The following RRBP1 variants were observed in gnomAD, a reference collection of about 807,000 sequenced individuals.
RRBP1 encodes the protein ribosome binding protein 1.
A neutral mutation model predicts 165.2 loss-of-function variants in RRBP1; 94 were observed. That is an observed-to-expected ratio of 0.57 (90% confidence interval 0.48 to 0.68). The LOEUF is 0.68. RRBP1 is among the 30% of genes least tolerant of loss of function. The pLI is 0.00. For synonymous variants in RRBP1, 680 were observed against 714.5 expected (o/e 0.95, Z 0.77); for missense variants, 1,676 against 1,763.0 (o/e 0.95, Z 0.88).
chr20:17,633,998 C>T (rs1005584964), intron 7 of RRBP1, among the ~76,000 whole-genome samples: 10 of 152,220 alleles, frequency 6.6e-5, no homozygotes, highest in South Asian at 6.2e-4. Context: ...GGAGTCCACG[C>T]GCCCCCTCAC....
intron 12 of RRBP1, 138 bp downstream of exon 12, chr20:17,625,374 C>G (rs952500416): frequency 1.4e-6 from 1 of 722,998 alleles, no homozygotes; most frequent in Non-Finnish European, 2.3e-6. Flanking sequence ...ACCCTGGACC[C>G]CCACAGCACA....
chr20:17,625,736 C>T (rs2036005456), intron 11 of RRBP1, 134 bp from the exon 12 acceptor site: 2 of 688,200 alleles, frequency 2.9e-6, no homozygotes, highest in Admixed American at 2.6e-5. Context: ...CTTCTGGCTG[C>T]CCCCACCTCA....
chr20:17,614,202 T>A lies in RRBP1; in HGVS notation c.4213A>T (p.Lys1405Ter), dbSNP rs750105371. ...LEKAEDGSSSKEGTSV is the reference protein window; with the variant it reads ...LEKAEDGSSS ...GAAACTCAGACAGAGGTGCCCTCCT[T>A]TGAGCTGCTGCCGTCCTCCTGTGAA... Residue 1405 changes from lysine (K) to a stop codon, truncating the protein, a stop_gained, in exon 25 of 25, where the codon AAG (lysine) becomes TAG (stop). Transcript: ENST00000377813. LOFTEE classifies it high-confidence loss of function. 3 of 1,613,742 alleles carry A rather than the reference T, an allele frequency of 1.9e-6. No homozygotes were observed. Among genetic ancestry groups the A allele is most frequent in the Middle Eastern group, 1.6e-4 (1 of 6,080 alleles).
chr20:17,629,986 C>T, intron 8 of RRBP1, 25 bp from the exon 9 acceptor site: 1 of 1,583,628 alleles, frequency 6.3e-7, no homozygotes, highest in Non-Finnish European at 8.6e-7. Flanking sequence ...GGGAGTGGGG[C>T]AGTGAAGACG....
chr20:17,662,044 C>T lies in RRBP1; in HGVS notation c.-21-1516G>A, dbSNP rs533173988. On this transcript the variant is annotated intron_variant, in intron 2 of 24. Coordinates refer to ENST00000377813, the MANE Select transcript of RRBP1 (RefSeq NM_001365613.2). Reference sequence around the variant, plus strand: ...TTGGGAGGCCAAGGCAGGCAGATCACGAGGTCAGGAGATCGAGACCATCCT... The same window carrying T: ...TTGGGAGGCCAAGGCAGGCAGATCATGAGGTCAGGAGATCGAGACCATCCT... Among the ~76,000 whole-genome samples, 57 of 152,212 alleles carry T rather than the reference C, an allele frequency of 3.7e-4. 1 individual carries two copies. The highest frequency in any genetic ancestry group is 1.2e-3 in the African/African-American group (49 of 41,538).
Position 17,636,646 on chromosome 20 carries a change from C to T in RRBP1, c.2268G>A (p.Thr756=), listed in dbSNP as rs531454797. The T allele has an allele frequency of 9.7e-5, 156 of 1,613,292 alleles. 1 individual carries two copies. In the South Asian group the frequency reaches 1.1e-3, roughly 11 times the overall value. The change falls in exon 6 of 25, where the codon ACG becomes ACA. Residue 756 remains threonine, a synonymous_variant. Coordinates refer to ENST00000377813, the MANE Select transcript of RRBP1 (RefSeq NM_001365613.2). ...KQLVAREQEI[T]AVQARMQASY... The stretch of plus-strand genomic sequence containing the variant: ...TGGCCTGCATGCGTGCCTGCACAGC[C>T]GTGATCTCCTGCTCCCGGGCCACCA...
chr20:17,644,091 A>G lies in RRBP1; in HGVS notation c.1913-964T>C, dbSNP rs141691218. Among the ~76,000 whole-genome samples, 25 of 152,294 alleles carry G rather than the reference A, an allele frequency of 1.6e-4. No individual in the cohort carries two copies. The East Asian group carries it at 4.0e-3, about 25-fold the overall frequency. ...AGGGCTGGTTTCCATAGCAACCCTC[A>G]ATTCTCTGGCTTGTCACAATATTTT... On this transcript the variant is annotated intron_variant, in intron 3 of 24. Coordinates refer to ENST00000377813, the MANE Select transcript of RRBP1 (RefSeq NM_001365613.2).
Position 17,624,565 on chromosome 20 carries a change from CG to C in RRBP1, c.3147+10del, listed in dbSNP as rs2035979681. ...TCCATGGTGGGGGTGTGAGTGTGGT[CG>C]GGCTCTGACCTTGGCCTGGGTCAGG... On this transcript the variant is annotated intron_variant, in intron 13 of 24. Coordinates refer to ENST00000377813, the MANE Select transcript of RRBP1 (RefSeq NM_001365613.2). The C allele has an allele frequency of 2.5e-6, 4 of 1,574,664 alleles. No individual in the cohort carries two copies. In the East Asian group the frequency reaches 6.8e-5, roughly 27 times the overall value.
chr20:17,643,250 G>A lies in RRBP1; in HGVS notation c.1913-123C>T. On this transcript the variant is annotated intron_variant, in intron 3 of 24. Coordinates refer to ENST00000377813, the MANE Select transcript of RRBP1 (RefSeq NM_001365613.2). This position sits in a 1 kb window ranked among gnomAD's most constrained non-coding sequence, Gnocchi z 4.3. ...ACGAAGAGCTCTCTGACTGCTTGGGGTCAGCAGGCTGAGCATGGCGAGTCT... is the reference window on the plus strand; with the variant it reads ...ACGAAGAGCTCTCTGACTGCTTGGGATCAGCAGGCTGAGCATGGCGAGTCT... 1.0e-6 allele frequency: 1 copy of A among 995,034 alleles called. No homozygotes were observed. Among genetic ancestry groups the A allele is most frequent in the Non-Finnish European group, 1.5e-6 (1 of 683,392 alleles). The allele number at this position is 995,034 out of a possible 1,614,324, so 61.6% of individuals were successfully genotyped here. A position where few individuals can be genotyped will look rare whatever the true frequency, so the allele number is the denominator to read the frequency against.
chr20:17,677,401 G>A (rs1350070091), intron 2 of RRBP1, among the ~76,000 whole-genome samples: 2 of 152,216 alleles, frequency 1.3e-5, no homozygotes, highest in East Asian at 1.9e-4. Context: ...AAGAGATCAA[G>A]TAGCTGTCCA....
rs377674260 is a variant in RRBP1, at chr20:17,619,660, G to A, written c.3648C>T (p.Cys1216=). 1.9e-6 allele frequency: 3 copies of A among 1,612,506 alleles called. No individual in the cohort carries two copies. In the African/African-American group the frequency reaches 4.0e-5, roughly 22 times the overall value. ...EKHMAAASAE[C]QNYAKEVAGL... ...CTGCCACCTCCTTGGCGTAGTTCTG[G>A]CACTCGGCGCTGGCGGCCGCCATGT... is the stretch of plus-strand genomic sequence containing the variant. Residue 1216 remains cysteine (C), a synonymous_variant, in exon 19 of 25, where the codon TGC becomes TGT. Coordinates refer to ENST00000377813, the MANE Select transcript of RRBP1 (RefSeq NM_001365613.2).
Position 17,660,229 on chromosome 20 carries a change from A to G in RRBP1, c.279T>C (p.Thr93=), listed in dbSNP as rs750171237. ...CCCGCACTGGTTCTCGAAGGAGGAC[A>G]GTCACATTGGGGGCTGGATCATGAT... The part of the protein sequence containing the change: ...IPDHDPAPNV[T]VLLREPVRAP... The change falls in exon 3 of 25, where the codon ACT becomes ACC. Residue 93 remains threonine (T), a synonymous_variant. Coordinates refer to ENST00000377813, the MANE Select transcript of RRBP1 (RefSeq NM_001365613.2). The G allele has an allele frequency of 5.0e-6, 8 of 1,613,084 alleles. No individual in the cohort carries two copies. The highest frequency in any genetic ancestry group is 6.8e-6 in the Non-Finnish European group (8 of 1,179,518).
At chr20:17,641,002 G>A (rs1479055797) in intron 5 of RRBP1, among the ~76,000 whole-genome samples, 1 of 152,212 alleles carries the variant, frequency 6.6e-6, no homozygotes, top group African/African-American at 2.4e-5. Flanking sequence ...GAGCAAGCCT[G>A]CGGTGCTGCA....
At chr20:17,653,547 T>A (rs2036595569) in intron 3 of RRBP1, among the ~76,000 whole-genome samples, 1 of 152,162 alleles carries the variant, frequency 6.6e-6, no homozygotes, top group South Asian at 2.1e-4. Flanking sequence ...AAGAACAGCC[T>A]GGCCCTGGCC....
At chr20:17,629,637 C>T (rs531914704) in intron 9 of RRBP1, among the ~76,000 whole-genome samples, 186 bp downstream of exon 9, 1 of 152,214 alleles carries the variant, frequency 6.6e-6, no homozygotes, top group Admixed American at 6.5e-5. Context: ...TGACTGCGCC[C>T]CCCGCCAGCC....
intron 23 of RRBP1, 141 bp downstream of exon 23, chr20:17,615,290 G>A (rs2035776275): frequency 6.2e-6 from 4 of 643,352 alleles, no homozygotes; most frequent in Admixed American, 6.4e-5. Flanking sequence ...CCAGCCCCGG[G>A]TAGTGACAAG....
intron 2 of RRBP1, among the ~76,000 whole-genome samples, chr20:17,673,405 GTCTT>G (rs983713164): frequency 6.6e-6 from 1 of 152,150 alleles, no homozygotes; most frequent in African/African-American, 2.4e-5. Flanking sequence ...CTGTCCTGAA[GTCTT>G]TCTTTTTTCT....
chr20:17,614,664 T>TCTCCCGGTCCTGC, intron 24 of RRBP1, 73 bp downstream of exon 24: 1 of 1,581,498 alleles, frequency 6.3e-7, no homozygotes. Flanking sequence ...CAGCTCTGCC[T>TCTCCCGGTCCTGC]CTCCCGGTCC....
rs1366389326 is a variant in RRBP1 at position 17,658,725 on chromosome 20, T to G, written c.1783A>C (p.Asn595His). The change falls in exon 3 of 25, where the codon AAT becomes CAT. Residue 595 changes from asparagine to histidine, a missense_variant. By Grantham distance (68) the Asn-to-His change is moderately conservative. Around this residue, in one of 5 missense-constraint regions of RRBP1, gnomAD observed 1,184 missense variants for 1,167.1 expected, o/e 1.01. Transcript: ENST00000377813. Reference sequence around the variant, plus strand: ...GCTGACTCTGTCTTTTTACCCTGATTGGCAGCTGCGTCTGCCTTTTTGCCT... The same window carrying G: ...GCTGACTCTGTCTTTTTACCCTGATGGGCAGCTGCGTCTGCCTTTTTGCCT... ...NQGKKADAAA[N>H]QGKKTESASV... 6.2e-7 allele frequency: 1 copy of G among 1,614,142 alleles called. No individual in the cohort carries two copies. The highest frequency in any genetic ancestry group is 8.5e-7 in the Non-Finnish European group (1 of 1,180,054).
Sources: allele counts gnomAD v4.1 joint callset (sites outside exome capture counted in the v4.1 genomes callset), GRCh38; gene constraint gnomAD v4.1.1; regional missense constraint gnomAD v4.1.1; non-coding constraint Gnocchi (gnomAD v3.1); transcripts MANE v1.5; gene names NCBI Gene and HGNC (gene_info 2026-07-23, HGNC 2026-07-21).